LRRTM4: variants seen among roughly 807,000 people sequenced by gnomAD.
The protein encoded by LRRTM4 is leucine-rich repeat transmembrane neuronal protein 4.
Under a neutral mutation model 47.6 loss-of-function variants are expected in LRRTM4, and 25 were observed. The observed-to-expected ratio is 0.53, with a 90% CI of 0.38 to 0.73. The LOEUF is 0.73. LRRTM4 is among the 30% of genes least tolerant of loss of function. The probability of loss-of-function intolerance (pLI) is 0.00; values close to 1 mark genes in which losing one functional copy is unlikely to be tolerated. For synonymous variants in LRRTM4, 311 were observed against 269.5 expected (o/e 1.15, Z -1.51); for missense variants, 638 against 713.4 (o/e 0.89, Z 1.20).
At chr2:77,065,106 T>C (rs1679911081) in intron 3 of LRRTM4, among the ~76,000 whole-genome samples, 1 of 152,228 alleles carries the variant, frequency 6.6e-6, no homozygotes, top group South Asian at 2.1e-4. Flanking sequence ...TATCAAGTAT[T>C]ATGATGGGCA....
chr2:77,026,151 T>C (rs570880277), intron 3 of LRRTM4, among the ~76,000 whole-genome samples: 1 of 152,158 alleles, frequency 6.6e-6, no homozygotes, highest in Admixed American at 6.6e-5. Context: ...TTGGAATGCT[T>C]TGTAGTAATT....
At chr2:77,224,961 A>T (rs2103957730) in intron 3 of LRRTM4, among the ~76,000 whole-genome samples, 1 of 152,246 alleles carries the variant, frequency 6.6e-6, no homozygotes, top group East Asian at 1.9e-4. Flanking sequence ...CTTAGAACCA[A>T]GCCAAATGTC....
At chr2:77,097,277 C>G (rs1572959656) in intron 3 of LRRTM4, among the ~76,000 whole-genome samples, 1 of 151,786 alleles carries the variant, frequency 6.6e-6, no homozygotes, top group East Asian at 1.9e-4. Flanking sequence ...TGACCCATCC[C>G]CCATTATTTT....
At chr2:77,291,038 A>G (rs1260242086) in intron 3 of LRRTM4, among the ~76,000 whole-genome samples, 1 of 152,050 alleles carries the variant, frequency 6.6e-6, no homozygotes, top group Non-Finnish European at 1.5e-5. Context: ...ATTCTGTCCT[A>G]TTGAATAAGG....
At chr2:77,152,110 C>T (rs1468317598) in intron 3 of LRRTM4, among the ~76,000 whole-genome samples, 1 of 152,082 alleles carries the variant, frequency 6.6e-6, no homozygotes, top group Non-Finnish European at 1.5e-5. Flanking sequence ...CCACCTTCAC[C>T]ACCTAACGCC....
intron 3 of LRRTM4, among the ~76,000 whole-genome samples, chr2:76,947,615 TAACA>T (rs1194610379): frequency 2.6e-5 from 4 of 151,830 alleles, no homozygotes; most frequent in South Asian, 2.1e-4. Context: ...TGAAACTTGT[TAACA>T]TACATACAAA....
In LRRTM4 at chr2:76,868,813, C is replaced by T. The variant is rs147049429; in HGVS notation, c.1552-119897G>A. ...AGTCGATCTGTGATTATTCTAAGAACTTTTCTGGGCAGTCTTTTTTTACCC... is the reference window on the plus strand; with the variant it reads ...AGTCGATCTGTGATTATTCTAAGAATTTTTCTGGGCAGTCTTTTTTTACCC... On this transcript the variant is annotated intron_variant, in intron 3 of 3. Coordinates refer to ENST00000409884, the MANE Select transcript of LRRTM4 (RefSeq NM_001134745.3). Among the ~76,000 whole-genome samples the T allele has an allele frequency of 2.4e-3, 363 of 152,222 alleles. 7 individuals carry two copies. Among genetic ancestry groups the T allele is most frequent in the African/African-American group, 8.4e-3 (349 of 41,542 alleles).
At chr2:77,270,166 A>G (rs1676154488) in intron 3 of LRRTM4, among the ~76,000 whole-genome samples, 1 of 152,184 alleles carries the variant, frequency 6.6e-6, no homozygotes, top group Non-Finnish European at 1.5e-5. Flanking sequence ...CTCTACCTTA[A>G]TAAGTTATGT....
intron 3 of LRRTM4, among the ~76,000 whole-genome samples, chr2:77,397,772 A>G (rs1673759466): frequency 6.6e-6 from 1 of 151,878 alleles, no homozygotes; most frequent in African/African-American, 2.4e-5. Context: ...GTAAATTTAA[A>G]AAGTGATACC....
At chr2:76,983,435 T>C (rs1444711110) in intron 3 of LRRTM4, among the ~76,000 whole-genome samples, 1 of 151,974 alleles carries the variant, frequency 6.6e-6, no homozygotes, top group Non-Finnish European at 1.5e-5. Context: ...TGGTAGTGAA[T>C]AAGTCTCAGG....
intron 3 of LRRTM4, among the ~76,000 whole-genome samples, chr2:77,134,734 C>G (rs924354300): frequency 6.6e-6 from 1 of 152,106 alleles, no homozygotes; most frequent in Non-Finnish European, 1.5e-5. Flanking sequence ...CTTACTGGAA[C>G]AGAACCTGGA....
chr2:76,884,149 G>C (rs1253575282), intron 3 of LRRTM4, among the ~76,000 whole-genome samples: 1 of 152,024 alleles, frequency 6.6e-6, no homozygotes, highest in South Asian at 2.1e-4. Flanking sequence ...CTATTGTTGA[G>C]CATTTTGTAA....
intron 3 of LRRTM4, among the ~76,000 whole-genome samples, chr2:76,841,757 T>A (rs868392249): frequency 6.7e-6 from 1 of 149,788 alleles, no homozygotes; most frequent in Non-Finnish European, 1.5e-5. Context: ...AAAAAGTATA[T>A]AAAAATGAAA....
chr2:77,028,159 T>C (rs1008019891), intron 3 of LRRTM4, among the ~76,000 whole-genome samples: 1 of 152,054 alleles, frequency 6.6e-6, no homozygotes, highest in Non-Finnish European at 1.5e-5. Context: ...AAAAAGTAAA[T>C]GCAAACACTC....
rs528629005 is a variant in LRRTM4 at position 77,470,249 on chromosome 2, T to C, written c.1551+48069A>G. Among the ~76,000 whole-genome samples, 96 of 152,258 alleles carry C rather than the reference T, an allele frequency of 6.3e-4. 2 individuals are homozygous for C. The South Asian group carries it at 0.02, about 31-fold the overall frequency. On this transcript the variant is annotated intron_variant, in intron 3 of 3. Coordinates refer to ENST00000409884, the MANE Select transcript of LRRTM4 (RefSeq NM_001134745.3). ...ATTTCATTCCAAATAGTCCAGCTTT[T>C]CCCTTAAGAGCTAAGGATTAAGAGC...
intron 3 of LRRTM4, among the ~76,000 whole-genome samples, chr2:77,206,738 C>A (rs1674137417): frequency 6.6e-6 from 1 of 152,048 alleles, no homozygotes; most frequent in African/African-American, 2.4e-5. Context: ...TCTACTTTGG[C>A]CTCCCAAAGT....
At chr2:77,381,399 C>T (rs1047021707) in intron 3 of LRRTM4, among the ~76,000 whole-genome samples, 18 of 151,982 alleles carry the variant, frequency 1.2e-4, no homozygotes, top group Admixed American at 2.0e-4. Context: ...AGCCAAATGA[C>T]AAATGACAAG....
At chr2:76,890,508 T>C (rs1179662295) in intron 3 of LRRTM4, among the ~76,000 whole-genome samples, 1 of 152,044 alleles carries the variant, frequency 6.6e-6, no homozygotes, top group African/African-American at 2.4e-5. Context: ...AATGTTCATA[T>C]TGTCTCAGAC....
chr2:76,963,456 G>A (rs556075112), intron 3 of LRRTM4, among the ~76,000 whole-genome samples: 1 of 150,828 alleles, frequency 6.6e-6, no homozygotes, highest in Admixed American at 6.6e-5. Flanking sequence ...CACATGATCA[G>A]GCAATACGTA....
Sources: allele counts gnomAD v4.1 joint callset (sites outside exome capture counted in the v4.1 genomes callset), GRCh38; gene constraint gnomAD v4.1.1; transcripts MANE v1.5; gene names NCBI Gene and HGNC (gene_info 2026-07-23, HGNC 2026-07-21).